Variants in MGST2 observed in about 807,000 individuals in gnomAD.
MGST2 encodes the protein glutathione peroxidase MGST2.
A neutral mutation model predicts 16.6 loss-of-function variants in MGST2; 9 were observed. That is an observed-to-expected ratio of 0.54 (90% CI 0.33 to 0.95). The LOEUF is 0.95. Among genes scored for constraint, MGST2 ranks in the 40% least tolerant of loss-of-function variants. The pLI is 0.03. For synonymous variants in MGST2, 79 were observed against 68.0 expected, an observed-to-expected ratio of 1.16 and a Z score of -0.79; for missense variants, 159 against 175.1, an observed-to-expected ratio of 0.91 and a Z score of 0.52.
intron 5 of MGST2, chr4:139,725,739 C>T (rs570192475): frequency 1.1e-5 from 17 of 1,613,448 alleles, no homozygotes; most frequent in Admixed American, 3.3e-5. Context: ...AGAGAGGTTG[C>T]ACTGGCCTCA....
chr4:139,731,003 T>C, intron 5 of MGST2: 1 of 305,094 alleles, frequency 3.3e-6, no homozygotes, highest in Non-Finnish European at 6.2e-6. Flanking sequence ...GCCCTCAGGC[T>C]GAGCTCACCT....
intron 2 of MGST2, among the ~76,000 whole-genome samples, chr4:139,682,262 A>C (rs1269690774): frequency 6.6e-6 from 1 of 150,988 alleles, no homozygotes; most frequent in Non-Finnish European, 1.5e-5. Context: ...AAAAACAAAA[A>C]CAGAAAGGAT....
chr4:139,729,445 C>T (rs1728613891), intron 5 of MGST2, among the ~76,000 whole-genome samples: 1 of 152,130 alleles, frequency 6.6e-6, no homozygotes, highest in African/African-American at 2.4e-5. Flanking sequence ...CATAGTGCGA[C>T]CCCGTCTCTA....
At position 139,686,669 on chromosome 4, in the gene MGST2, T is replaced by C. The variant is rs887726485; in HGVS notation, c.158+8027T>C. 3.3e-5 allele frequency among the ~76,000 whole-genome samples: 5 copies of C among 152,362 alleles called. No individual in the cohort carries two copies. In the East Asian group the frequency reaches 9.6e-4, roughly 29 times the overall value. On this transcript the variant is annotated intron_variant, in intron 2 of 4. Transcript: ENST00000265498. The stretch of plus-strand genomic sequence containing the variant: ...TATACTTAACCTTTATTTAGAAAGC[T>C]ACACTCTTTCTGCTCTTGTAATGAT...
At chr4:139,707,441 C>T (rs1341693689), downstream of MGST2, among the ~76,000 whole-genome samples, 1 of 152,034 alleles carries the variant, frequency 6.6e-6, no homozygotes, top group Non-Finnish European at 1.5e-5. Flanking sequence ...TTTCTTAATC[C>T]AGTCTATCAT....
downstream of MGST2, among the ~76,000 whole-genome samples, chr4:139,742,564 T>C (rs1032135370): frequency 4.7e-4 from 71 of 152,208 alleles, 1 homozygote; most frequent in African/African-American, 1.5e-3. Context: ...CTATTAATAA[T>C]GAGGAAGTTA....
chr4:139,689,614 G>A (rs1210154108), intron 2 of MGST2, among the ~76,000 whole-genome samples: 1 of 152,120 alleles, frequency 6.6e-6, no homozygotes, highest in South Asian at 2.1e-4. Context: ...ACAGCCCACT[G>A]GTTCAGGATG....
At chr4:139,723,424 C>T (rs1728337574) in intron 5 of MGST2, among the ~76,000 whole-genome samples, 1 of 152,168 alleles carries the variant, frequency 6.6e-6, no homozygotes, top group Admixed American at 6.5e-5. Context: ...AATTCTCCTG[C>T]CCCAGCCTCC....
At chr4:139,739,628 CAT>C (rs1305725786) in intron 5 of MGST2, among the ~76,000 whole-genome samples, 2 of 145,630 alleles carry the variant, frequency 1.4e-5, no homozygotes, top group Admixed American at 7.0e-5. Context: ...TATCTAATCA[CAT>C]AGGAAAAAGC....
At chr4:139,675,062 G>A (rs1486772286) in intron 1 of MGST2, among the ~76,000 whole-genome samples, 1 of 152,144 alleles carries the variant, frequency 6.6e-6, no homozygotes, top group East Asian at 1.9e-4. Context: ...GGAGGTCCTG[G>A]TTTCTGAGAA....
the MGST2 span, among the ~76,000 whole-genome samples, chr4:139,754,464 AT>A: frequency 7.9e-5 from 12 of 152,364 alleles, no homozygotes; most frequent in South Asian, 1.0e-3. Context: ...ACTCCATTGT[AT>A]AAAGCTGTTA....
chr4:139,678,458 C>G (rs1731072853), intron 1 of MGST2, 85 bp from the exon 2 acceptor site: 1 of 938,058 alleles, frequency 1.1e-6, no homozygotes, highest in Non-Finnish European at 1.7e-6. Flanking sequence ...GTATGTAGTA[C>G]TATCTAATTG....
At chr4:139,703,351 G>T (rs1481422995) in intron 3 of MGST2, 104 bp from the exon 4 acceptor site, 3 of 932,402 alleles carry the variant, frequency 3.2e-6, no homozygotes, top group African/African-American at 1.6e-5. Context: ...TAAGTATCTT[G>T]TCCAATATAT....
intron 5 of MGST2, among the ~76,000 whole-genome samples, chr4:139,736,306 A>C (rs1397283062): frequency 1.3e-5 from 2 of 152,232 alleles, no homozygotes; most frequent in Non-Finnish European, 2.9e-5. Context: ...TTTATTAGTA[A>C]GTTTGAGAAG....
At chr4:139,725,771 T>C in intron 5 of MGST2, 2 of 1,614,002 alleles carry the variant, frequency 1.2e-6, no homozygotes, top group Non-Finnish European at 1.7e-6. Flanking sequence ...ATTGACCTGC[T>C]GCACTGGGTA....
intron 5 of MGST2, among the ~76,000 whole-genome samples, chr4:139,710,637 G>GT (rs1482685454): frequency 6.6e-6 from 1 of 152,156 alleles, no homozygotes; most frequent in Admixed American, 6.5e-5. Flanking sequence ...ATGCCATGCT[G>GT]TTTCCTACAT....
chr4:139,707,124 A>G (rs1305231964), downstream of MGST2, among the ~76,000 whole-genome samples: 1 of 152,064 alleles, frequency 6.6e-6, no homozygotes, highest in Non-Finnish European at 1.5e-5. Flanking sequence ...ATATGTATAC[A>G]TGTGCCATGT....
Position 139,735,559 on chromosome 4 carries a change from G to C in MGST2, c.*49-4653G>C, listed in dbSNP as rs1351236060. Among the ~76,000 whole-genome samples the C allele has an allele frequency of 1.3e-5, 2 of 152,182 alleles. No individual in the cohort carries two copies. The highest frequency in any genetic ancestry group is 6.5e-5 in the Admixed American group (1 of 15,284). On this transcript the variant is annotated intron_variant, in intron 5 of 5. Transcript: ENST00000616265. The surrounding 1 kb of genome is among the most constrained non-coding windows in gnomAD (Gnocchi z 5.8). Reference sequence around the variant, plus strand: ...ACCCCAGCTGCACAAAGCCGGCCCGGGGAGGGGGCGATAAGGAGCGAGCCT... The same window carrying C: ...ACCCCAGCTGCACAAAGCCGGCCCGCGGAGGGGGCGATAAGGAGCGAGCCT...
chr4:139,748,609 G>A, the MGST2 span, among the ~76,000 whole-genome samples: 1 of 152,088 alleles, frequency 6.6e-6, no homozygotes, highest in East Asian at 1.9e-4. Context: ...TTCCGGCTCA[G>A]TCCCCCAAAT....
Sources: gnomAD v4.1 joint callset for allele counts (sites outside exome capture counted in the v4.1 genomes callset) on GRCh38, gnomAD v4.1.1 for gene constraint, Gnocchi (gnomAD v3.1) non-coding constraint, MANE v1.5 for transcripts, NCBI Gene and HGNC (gene_info 2026-07-23, HGNC 2026-07-21) for gene names.